Variants in ANO1 observed in about 807,000 individuals in gnomAD.
ANO1 encodes anoctamin-1.
In ANO1, 59 loss-of-function variants were observed where a neutral mutation model predicts 124.0. The ratio of observed to expected loss-of-function variants is 0.48; its 90% CI spans 0.39 to 0.59. The LOEUF (loss-of-function observed/expected upper bound fraction) is 0.59. Ranked by LOEUF, ANO1 falls within the 20% of genes least tolerant of loss-of-function variation. ANO1 has a pLI of 0.00. For missense variants in ANO1, 1,059 were observed against 1,328.0 expected (o/e 0.80, Z 3.15); for synonymous variants, 529 against 532.0 (o/e 0.99, Z 0.08).
At chr11:70,161,434 C>G (rs2048040601) in intron 17 of ANO1, 72 bp downstream of exon 17, 2 of 1,538,480 alleles carry the variant, frequency 1.3e-6, no homozygotes, top group Non-Finnish European at 9.0e-7. Flanking sequence ...TGCTGTGCAT[C>G]CTTGAGTTTG....
At chr11:70,001,617 G>T (rs902865) in intron 1 of ANO1, among the ~76,000 whole-genome samples, 74,054 of 152,074 alleles carry the variant, frequency 0.49, 19,302 homozygotes, top group East Asian at 0.89. Context: ...ACAAAAGCAG[G>T]CAAATGAATC....
chr11:69,974,614 T>C, the ANO1 span, among the ~76,000 whole-genome samples: 2 of 152,194 alleles, frequency 1.3e-5, no homozygotes, highest in African/African-American at 2.4e-5. Context: ...GACCCACCTG[T>C]GGATGACCTG....
intron 16 of ANO1, 29 bp downstream of exon 16, chr11:70,157,050 A>C (rs1343711978): frequency 6.3e-7 from 1 of 1,595,286 alleles, no homozygotes; most frequent in East Asian, 2.2e-5. Context: ...AGGCCAGACG[A>C]AGTCAGGGGA....
chr11:70,125,377 G>A (rs551766028), intron 9 of ANO1, among the ~76,000 whole-genome samples: 8 of 150,712 alleles, frequency 5.3e-5, no homozygotes, highest in Non-Finnish European at 1.0e-4. Flanking sequence ...TGCAATGGGC[G>A]TGGTGGCAAG....
chr11:70,126,062 A>T lies in ANO1; in HGVS notation c.964A>T (p.Lys322Ter). 6.2e-7 allele frequency: 1 copy of T among 1,607,564 alleles called. No individual in the cohort carries two copies. Residue 322 changes from lysine to a stop codon, truncating the protein, a stop_gained and splice_region_variant, in exon 10 of 26, where the codon AAG becomes TAG. Coordinates refer to ENST00000355303, the MANE Select transcript of ANO1 (RefSeq NM_018043.7). LOFTEE classifies it high-confidence loss of function. ...CTCTGCTCTGCTCCCCTGGTGTAGG[A>T]AGTATTTTGGGGAGAAGATCGGCCT... Reference protein sequence around the residue: ...YKYQPIDLVRKYFGEKIGLYF... With the variant: ...YKYQPIDLVR
chr11:69,990,547 CT>C (rs1268440713), intron 1 of ANO1, among the ~76,000 whole-genome samples: 6 of 152,168 alleles, frequency 3.9e-5, no homozygotes, highest in Admixed American at 2.0e-4. Flanking sequence ...TTATCTTTAA[CT>C]TTTTAAGGAA....
At chr11:70,177,985 G>T (rs1242050681) in intron 22 of ANO1, among the ~76,000 whole-genome samples, 1 of 152,254 alleles carries the variant, frequency 6.6e-6, no homozygotes, top group African/African-American at 2.4e-5. Context: ...TGGCCATGCT[G>T]CCTGGATGGG....
At position 70,006,656 on chromosome 11, in the gene ANO1, C is replaced by CT. The variant is rs1470639214; in HGVS notation, c.58+20492dup. Among the ~76,000 whole-genome samples the CT allele has an allele frequency of 4.3e-4, 33 of 76,748 alleles. No individual in the cohort carries two copies. The East Asian group carries it at 5.7e-3, about 13-fold the overall frequency. 50.3% of individuals were successfully genotyped at this position (76,748 alleles called of 152,430 possible). On this transcript the variant is annotated intron_variant, in intron 1 of 27. Coordinates refer to the ANO1 transcript ENST00000531349. Reference sequence around the variant, plus strand: ...TCTTTTCTTTCTTCTTTCTTTCTTTCTTCTTTCTTTTTTTTTTTTTTTTTT... The same window carrying CT: ...TCTTTTCTTTCTTCTTTCTTTCTTTCTTTCTTTCTTTTTTTTTTTTTTTTTT...
intron 1 of ANO1, among the ~76,000 whole-genome samples, chr11:70,001,801 T>TG (rs1295199803): frequency 6.6e-6 from 1 of 151,806 alleles, no homozygotes; most frequent in African/African-American, 2.4e-5. Flanking sequence ...GTGTGTGTTT[T>TG]GTTTTTTGTT....
chr11:69,974,460 C>T, the ANO1 span, among the ~76,000 whole-genome samples: 7 of 152,222 alleles, frequency 4.6e-5, no homozygotes, highest in Non-Finnish European at 7.3e-5. Flanking sequence ...CATGAACGAC[C>T]GCTTTACAGA....
chr11:70,015,316 T>C (rs1222985471), intron 1 of ANO1: 3 of 152,056 alleles, frequency 2.0e-5, no homozygotes, highest in Admixed American at 2.0e-4. Context: ...GATATTTATG[T>C]ATTGATGACC....
At chr11:70,128,548 G>A (rs956302878) in intron 10 of ANO1, among the ~76,000 whole-genome samples, 4 of 152,236 alleles carry the variant, frequency 2.6e-5, no homozygotes, top group Non-Finnish European at 4.4e-5. Context: ...AATGCAAACA[G>A]CAGTTACTCA....
chr11:70,036,254 C>CA (rs1857091834), intron 1 of ANO1, among the ~76,000 whole-genome samples: 1 of 152,184 alleles, frequency 6.6e-6, no homozygotes, highest in African/African-American at 2.4e-5. Context: ...GCACATCACC[C>CA]CAATCTCTGC....
intron 1 of ANO1, among the ~76,000 whole-genome samples, chr11:70,070,759 G>A (rs967973510): frequency 2.6e-5 from 4 of 152,208 alleles, no homozygotes; most frequent in African/African-American, 9.6e-5. Context: ...AGGTGGATGA[G>A]TGGACAAACA....
chr11:70,019,466 T>C (rs1236026848), intron 1 of ANO1, among the ~76,000 whole-genome samples: 1 of 152,098 alleles, frequency 6.6e-6, no homozygotes, highest in African/African-American at 2.4e-5. Context: ...TGGTCCAGGT[T>C]TTCCCCCAGT....
intron 1 of ANO1, among the ~76,000 whole-genome samples, chr11:70,058,627 A>T (rs944304741): frequency 6.6e-6 from 1 of 152,214 alleles, no homozygotes; most frequent in African/African-American, 2.4e-5. Flanking sequence ...GTTGGGGCCA[A>T]GCAAGAAAGC....
chr11:70,081,011 G>A (rs1258352186), intron 1 of ANO1, among the ~76,000 whole-genome samples: 2 of 152,226 alleles, frequency 1.3e-5, no homozygotes, highest in Non-Finnish European at 2.9e-5. Context: ...GAGGGCGTGG[G>A]CTGCATTTCA....
intron 11 of ANO1, among the ~76,000 whole-genome samples, chr11:70,137,409 A>C (rs2046990960): frequency 8.4e-6 from 1 of 118,558 alleles, no homozygotes; most frequent in African/African-American, 3.0e-5. Flanking sequence ...TATCTCCACA[A>C]ACCCCCCACC....
At chr11:69,998,509 G>A (rs1856318485) in intron 1 of ANO1, among the ~76,000 whole-genome samples, 1 of 152,228 alleles carries the variant, frequency 6.6e-6, no homozygotes, top group South Asian at 2.1e-4. Flanking sequence ...ATTCTTCTAG[G>A]AAGATCCTGG....
Sources: gnomAD v4.1 joint callset for allele counts (sites outside exome capture counted in the v4.1 genomes callset) on GRCh38, gnomAD v4.1.1 for gene constraint, MANE v1.5 for transcripts, NCBI Gene and HGNC (gene_info 2026-07-23, HGNC 2026-07-21) for gene names.